The following TIFAB variants were observed in gnomAD, a reference collection of about 807,000 sequenced individuals.
TIFAB encodes TIFA inhibitor.
For synonymous variants in TIFAB, 116 were observed against 95.2 expected (o/e 1.22, Z -1.27); for missense variants, 222 against 203.6 (o/e 1.09, Z -0.55).
In TIFAB at chr5:135,448,830, C is replaced by T. The variant is rs1769316684; in HGVS notation, c.*624G>A. On this transcript the variant is annotated 3_prime_UTR_variant, in exon 2 of 2. Coordinates refer to ENST00000537858, the MANE Select transcript of TIFAB (RefSeq NM_001099221.2). ...CATGACAGCGTGGCGTGCATGTGGC[C>T]CATCTGGGGATCAGGGAATCCTATT... 6.5e-6 allele frequency: 1 copy of T among 153,710 alleles called. No homozygotes were observed. Among genetic ancestry groups the T allele is most frequent in the African/African-American group, 2.4e-5 (1 of 41,434 alleles). The allele number at this position is 153,710 out of a possible 1,614,324, so 9.5% of individuals were successfully genotyped here. A position where few individuals can be genotyped will look rare whatever the true frequency, so the allele number is the denominator to read the frequency against.
In TIFAB at chr5:135,446,473, G is replaced by A; in HGVS notation, c.*2981C>T. 2 of 1,614,038 alleles carry A rather than the reference G, an allele frequency of 1.2e-6. No homozygotes were observed. Among genetic ancestry groups the A allele is most frequent in the Non-Finnish European group, 1.7e-6 (2 of 1,179,894 alleles). The stretch of plus-strand genomic sequence containing the variant: ...GCCTGCTCTGGCTGTCTGAGCAGGT[G>A]AGGGATAGTGATATCAAGTGCGAAG... On this transcript the variant is annotated 3_prime_UTR_variant, in exon 2 of 2. Transcript: ENST00000537858.
Position 135,449,681 on chromosome 5 carries a change from T to G in TIFAB, c.259A>C (p.Asn87His), listed in dbSNP as rs370829781. 43 of 1,613,996 alleles carry G rather than the reference T, an allele frequency of 2.7e-5. No individual in the cohort carries two copies. The highest frequency in any genetic ancestry group is 3.6e-5 in the Non-Finnish European group (43 of 1,180,044). Residue 87 changes from asparagine (N) to histidine (H), a missense_variant, in exon 2 of 2, where the codon AAT (asparagine) becomes CAT (histidine). Transcript: ENST00000537858. ...ALSRKGCVWVNGLTLRYLEQV... is the reference protein window; with the variant it reads ...ALSRKGCVWVHGLTLRYLEQV... ...TCCAGGTACCTCAGCGTCAGCCCAT[T>G]GACCCACACACAGCCCTTGCGGCTC...
intron 1 of TIFAB, among the ~76,000 whole-genome samples, chr5:135,451,808 G>A (rs754053562): frequency 9.9e-5 from 15 of 152,198 alleles, no homozygotes; most frequent in Non-Finnish European, 1.5e-4. Context: ...CGAGGTATGC[G>A]TTACAGGCTG....
rs532981201 is a variant in TIFAB, at chr5:135,446,160, T to C, written c.*3294A>G. The C allele has an allele frequency of 3.5e-6, 2 of 572,562 alleles. No individual in the cohort carries two copies. Among genetic ancestry groups the C allele is most frequent in the East Asian group, 6.5e-5 (2 of 30,974 alleles). 35.5% of individuals were successfully genotyped at this position (572,562 alleles called of 1,614,324 possible). On this transcript the variant is annotated 3_prime_UTR_variant, in exon 2 of 2. Transcript: ENST00000537858. ...TCTAAGGAGGTAAGTACTGTGAACT[T>C]TCCCGTTTTCTACAAGAAGAAACTG... is the stretch of plus-strand genomic sequence containing the variant.
At chr5:135,450,185 A>G (rs1769341309) in intron 1 of TIFAB, among the ~76,000 whole-genome samples, 1 of 152,236 alleles carries the variant, frequency 6.6e-6, no homozygotes, top group South Asian at 2.1e-4. Context: ...TTTCTGTAGT[A>G]TAGATATATC....
chr5:135,449,591 C>T lies in TIFAB; in HGVS notation c.349G>A (p.Glu117Lys). The change falls in exon 2 of 2, where the codon GAA (glutamate) becomes AAA (lysine). Residue 117 changes from glutamate (E) to lysine (K), a missense_variant. Glu to Lys is a moderately conservative substitution (Grantham distance 56). Transcript: ENST00000537858. ...FSGIQMLVRV[E>K]EGTSLEAFVC... is the part of the protein sequence containing the mutation. ...AAAGCCTCCAGGGATGTGCCTTCTT[C>T]TACGCGAACCAGCATCTGGATGCCT... 6.2e-7 allele frequency: 1 copy of T among 1,614,236 alleles called. No homozygotes were observed. The highest frequency in any genetic ancestry group is 8.5e-7 in the Non-Finnish European group (1 of 1,180,042).
chr5:135,446,975 G>A lies in TIFAB; in HGVS notation c.*2479C>T. 6.2e-7 allele frequency: 1 copy of A among 1,612,888 alleles called. No homozygotes were observed. Among genetic ancestry groups the A allele is most frequent in the Non-Finnish European group, 8.5e-7 (1 of 1,179,366 alleles). On this transcript the variant is annotated 3_prime_UTR_variant, in exon 2 of 2. Coordinates refer to ENST00000537858, the MANE Select transcript of TIFAB (RefSeq NM_001099221.2). ...CAGCTCATTCCCAAAGTTCTCTGGTGGAGCTGGGGAGTGGCACCCTGGGAA... is the reference window on the plus strand; with the variant it reads ...CAGCTCATTCCCAAAGTTCTCTGGTAGAGCTGGGGAGTGGCACCCTGGGAA...
chr5:135,451,901 C>T lies in TIFAB; in HGVS notation c.-11+308G>A, dbSNP rs147674960. 7.6e-3 allele frequency among the ~76,000 whole-genome samples: 1,161 copies of T among 152,316 alleles called. 14 individuals carry two copies. The highest frequency in any genetic ancestry group is 0.025 in the African/African-American group (1,053 of 41,572). ...AGTTCACTCCCAGAAACTAATATCA[C>T]GGCACAGAGACCCTGAAAGAATCCC... On this transcript the variant is annotated intron_variant, in intron 1 of 1. Coordinates refer to ENST00000537858, the MANE Select transcript of TIFAB (RefSeq NM_001099221.2).
At position 135,448,464 on chromosome 5, in the gene TIFAB, G is replaced by A. The variant is rs766897147; in HGVS notation, c.*990C>T. On this transcript the variant is annotated 3_prime_UTR_variant, in exon 2 of 2. Coordinates refer to ENST00000537858, the MANE Select transcript of TIFAB (RefSeq NM_001099221.2). ...GCCCTTGGCGTACCTGGCTCCTAAC[G>A]AGTCCCTTATTTGGAAGGAATTCCC... 7.9e-5 allele frequency: 12 copies of A among 151,318 alleles called. No homozygotes were observed. Among genetic ancestry groups the A allele is most frequent in the Admixed American group, 1.3e-4 (2 of 15,164 alleles). 9.4% of individuals were successfully genotyped at this position (151,318 alleles called of 1,614,324 possible).
At position 135,446,878 on chromosome 5, in the gene TIFAB, TG is replaced by T; in HGVS notation, c.*2575del. 6.2e-7 allele frequency: 1 copy of T among 1,613,838 alleles called. No individual in the cohort carries two copies. Among genetic ancestry groups the T allele is most frequent in the African/African-American group, 1.3e-5 (1 of 75,062 alleles). On this transcript the variant is annotated 3_prime_UTR_variant, in exon 2 of 2. Transcript: ENST00000537858. ...CTGCCCCCTCTCGCAGGACCCCAGCTGGCAAGGTTTTGTTCCTCCCTGGAGG... is the reference window on the plus strand; with the variant it reads ...CTGCCCCCTCTCGCAGGACCCCAGCTGCAAGGTTTTGTTCCTCCCTGGAGG...
chr5:135,448,661 G>A lies in TIFAB; in HGVS notation c.*793C>T, dbSNP rs1196483536. 6.6e-6 allele frequency: 1 copy of A among 152,176 alleles called. No homozygotes were observed. Among genetic ancestry groups the A allele is most frequent in the Non-Finnish European group, 1.5e-5 (1 of 68,066 alleles). 9.4% of individuals were successfully genotyped at this position (152,176 alleles called of 1,614,324 possible). ...AGTGTGAGGATGAGGATGATAAGGG[G>A]GACAATGAATTTCCAGGCAGGCCCA... On this transcript the variant is annotated 3_prime_UTR_variant, in exon 2 of 2. Transcript: ENST00000537858.
rs1263925518 is a variant in TIFAB at position 135,446,491 on chromosome 5, G to A, written c.*2963C>T. ...AGCAGGTGAGGGATAGTGATATCAA[G>A]TGCGAAGACCAGGCCCTGAAGCCAG... is the stretch of plus-strand genomic sequence containing the variant. On this transcript the variant is annotated 3_prime_UTR_variant, in exon 2 of 2. Coordinates refer to ENST00000537858, the MANE Select transcript of TIFAB (RefSeq NM_001099221.2). 18 of 1,613,918 alleles carry A rather than the reference G, an allele frequency of 1.1e-5. No homozygotes were observed. Among genetic ancestry groups the A allele is most frequent in the Non-Finnish European group, 1.5e-5 (18 of 1,179,898 alleles).
chr5:135,451,525 C>T (rs1769362568), intron 1 of TIFAB, among the ~76,000 whole-genome samples: 1 of 151,518 alleles, frequency 6.6e-6, no homozygotes, highest in Non-Finnish European at 1.5e-5. Context: ...ACACTGTCAC[C>T]CAGGCTGGAG....
chr5:135,446,973 G>A lies in TIFAB; in HGVS notation c.*2481C>T. The A allele has an allele frequency of 6.2e-7, 1 of 1,612,920 alleles. No homozygotes were observed. Among genetic ancestry groups the A allele is most frequent in the East Asian group, 2.2e-5 (1 of 44,850 alleles). ...AGCAGCTCATTCCCAAAGTTCTCTG[G>A]TGGAGCTGGGGAGTGGCACCCTGGG... On this transcript the variant is annotated 3_prime_UTR_variant, in exon 2 of 2. Transcript: ENST00000537858.
At position 135,446,689 on chromosome 5, in the gene TIFAB, C is replaced by T. The variant is rs372976487; in HGVS notation, c.*2765G>A. On this transcript the variant is annotated 3_prime_UTR_variant, in exon 2 of 2. Transcript: ENST00000537858. ...CCGGTGAGACTGTGTGAACTGTGAA[C>T]GGGTAGAGTCTGAAACTACAAACCA... 8.9e-5 allele frequency: 143 copies of T among 1,613,758 alleles called. No homozygotes were observed. The highest frequency in any genetic ancestry group is 7.6e-4 in the East Asian group (34 of 44,874).
Position 135,447,287 on chromosome 5 carries a change from C to A in TIFAB, c.*2167G>T, listed in dbSNP as rs941326696. The A allele has an allele frequency of 1.4e-6, 1 of 728,434 alleles. No homozygotes were observed. 45.1% of individuals were successfully genotyped at this position (728,434 alleles called of 1,614,324 possible). A position where few individuals can be genotyped will look rare whatever the true frequency, so the allele number is the denominator to read the frequency against. ...TCCCCTCCCTGTTGCCTACCAGGTC[C>A]GTGGCTACAACTAAATCCCTAGTTG... On this transcript the variant is annotated 3_prime_UTR_variant, in exon 2 of 2. Transcript: ENST00000537858.
rs188301690 is a variant in TIFAB at position 135,451,179 on chromosome 5, G to T, written c.-11+1030C>A. Among the ~76,000 whole-genome samples the T allele has an allele frequency of 8.1e-4, 123 of 151,792 alleles. 1 individual carries two copies. Among genetic ancestry groups the T allele is most frequent in the Middle Eastern group, 3.4e-3 (1 of 294 alleles). On this transcript the variant is annotated intron_variant, in intron 1 of 1. Transcript: ENST00000537858. ...CATTTGCCGAGTGGCTAAATGAGAA[G>T]CCCACACACACACATGGTGAAATCA...
chr5:135,447,147 G>A lies in TIFAB; in HGVS notation c.*2307C>T, dbSNP rs369467972. 1.5e-5 allele frequency: 25 copies of A among 1,613,460 alleles called. No individual in the cohort carries two copies. The East Asian group carries it at 1.6e-4, about 10-fold the overall frequency. ...TTTTGGTCAGTGACAGATCACTGCT[G>A]CTTTTCATCAGACCAAAATACATGT... On this transcript the variant is annotated 3_prime_UTR_variant, in exon 2 of 2. Transcript: ENST00000537858.
chr5:135,449,553 G>A lies in TIFAB; in HGVS notation c.387C>T (p.Phe129=), dbSNP rs1306773403. The change falls in exon 2 of 2, where the codon TTC becomes TTT. Residue 129 remains phenylalanine (F), a synonymous_variant. Transcript: ENST00000537858. ...AAATCAGGGGTGAAGGGCTGACATG[G>A]AAATAGCAGACAAAAGCCTCCAGGG... The part of the protein sequence containing the change: ...GTSLEAFVCY[F]HVSPSPLIYR... 6.2e-7 allele frequency: 1 copy of A among 1,614,228 alleles called. No homozygotes were observed. Among genetic ancestry groups the A allele is most frequent in the Admixed American group, 1.7e-5 (1 of 60,032 alleles).
Sources: gnomAD v4.1 joint callset for allele counts (sites outside exome capture counted in the v4.1 genomes callset) on GRCh38, gnomAD v4.1.1 for gene constraint, MANE v1.5 for transcripts, NCBI Gene and HGNC (gene_info 2026-07-23, HGNC 2026-07-21) for gene names.